MSH4: variants seen among roughly 807,000 people sequenced by gnomAD.
The protein encoded by MSH4 is mutS protein homolog 4.
In MSH4, 106 loss-of-function variants were observed where a neutral mutation model predicts 113.7. The ratio of observed to expected loss-of-function variants is 0.93; its 90% CI spans 0.80 to 1.10. MSH4 has a LOEUF of 1.10. Ranked by LOEUF, MSH4 falls within the 50% of genes least tolerant of loss-of-function variation. The probability of loss-of-function intolerance (pLI) is 0.00; values close to 1 mark genes in which losing one functional copy is unlikely to be tolerated. For missense variants in MSH4, 1,061 were observed against 1,093.7 expected (o/e 0.97, Z 0.42); for synonymous variants, 368 against 380.2 (o/e 0.97, Z 0.37).
At chr1:75,907,440 G>A (rs184479785) in intron 19 of MSH4, among the ~76,000 whole-genome samples, 1 of 151,726 alleles carries the variant, frequency 6.6e-6, no homozygotes, top group Admixed American at 6.6e-5. Flanking sequence ...GATTCTCTTT[G>A]TCCTTGACCT....
At chr1:75,883,025 G>T (rs561751922) in intron 14 of MSH4, among the ~76,000 whole-genome samples, 2 of 151,176 alleles carry the variant, frequency 1.3e-5, no homozygotes, top group East Asian at 1.9e-4. Flanking sequence ...TTTTTTTTGA[G>T]ACAGAGACTC....
In MSH4 at chr1:75,912,932, AATTT is replaced by A. The variant is rs754857347; in HGVS notation, c.*50_*53del. ...ATATATCTTAATTCAAGGAACCTAG[AATTT>A]ATTTTTCTCCTTAGAGATAAGGAAA... On this transcript the variant is annotated 3_prime_UTR_variant, in exon 20 of 20. Coordinates refer to ENST00000263187, the MANE Select transcript of MSH4 (RefSeq NM_002440.4). 1 of 1,238,308 alleles carries A rather than the reference AATTT, an allele frequency of 8.1e-7. No individual in the cohort carries two copies. The highest frequency in any genetic ancestry group is 1.1e-6 in the Non-Finnish European group (1 of 936,146). The allele number at this position is 1,238,308 out of a possible 1,614,324, so 76.7% of individuals were successfully genotyped here.
chr1:75,833,778 T>C (rs1163196526), intron 7 of MSH4, among the ~76,000 whole-genome samples: 3 of 152,164 alleles, frequency 2.0e-5, no homozygotes, highest in African/African-American at 7.2e-5. Flanking sequence ...TATACAAAAA[T>C]TAATTCAACA....
At chr1:75,879,252 T>TACCC in intron 12 of MSH4, 124 bp downstream of exon 12, 1 of 783,424 alleles carries the variant, frequency 1.3e-6, no homozygotes, top group Non-Finnish European at 2.1e-6. Context: ...CTCCTATTCC[T>TACCC]ACCCACCCAC....
intron 7 of MSH4, among the ~76,000 whole-genome samples, chr1:75,832,199 A>C (rs572392203): frequency 3.3e-5 from 5 of 152,300 alleles, no homozygotes; most frequent in African/African-American, 1.2e-4. Context: ...AAATGGATAA[A>C]TTCCCGGAGA....
At chr1:75,909,903 A>G (rs758936465) in intron 19 of MSH4, among the ~76,000 whole-genome samples, 1 of 151,688 alleles carries the variant, frequency 6.6e-6, no homozygotes, top group Non-Finnish European at 1.5e-5. Flanking sequence ...TCTCTCTTCC[A>G]TCTTATCTCA....
intron 7 of MSH4, among the ~76,000 whole-genome samples, chr1:75,847,911 A>G (rs1651108459): frequency 6.6e-6 from 1 of 152,172 alleles, no homozygotes; most frequent in Non-Finnish European, 1.5e-5. Flanking sequence ...TTATCTCCCA[A>G]CATCGCCACA....
chr1:75,812,422 G>A (rs749127137), intron 4 of MSH4, among the ~76,000 whole-genome samples: 3 of 151,970 alleles, frequency 2.0e-5, no homozygotes, highest in Non-Finnish European at 2.9e-5. Context: ...GACCAGGTGC[G>A]GTGGCTCATG....
At chr1:75,828,613 A>C (rs1006019798) in intron 7 of MSH4, among the ~76,000 whole-genome samples, 1 of 152,208 alleles carries the variant, frequency 6.6e-6, no homozygotes, top group Non-Finnish European at 1.5e-5. Context: ...CATTGGGTAC[A>C]CATGGGGATA....
At chr1:75,908,662 A>T (rs1429653278) in intron 19 of MSH4, among the ~76,000 whole-genome samples, 1 of 152,004 alleles carries the variant, frequency 6.6e-6, no homozygotes, top group Non-Finnish European at 1.5e-5. Flanking sequence ...TTGTGGATAT[A>T]TATCTATGTT....
chr1:75,866,858 G>A (rs1651573043), intron 8 of MSH4, among the ~76,000 whole-genome samples: 1 of 151,900 alleles, frequency 6.6e-6, no homozygotes, highest in African/African-American at 2.4e-5. Context: ...AGTACATTAT[G>A]TCATAATTGT....
Position 75,797,023 on chromosome 1 carries a change from C to T in MSH4, c.38C>T (p.Ala13Val), listed in dbSNP as rs775030571. ...GAGATCTCATCAACCTCGCCTTCTGCCCCGGCGGTTTCCCCGTCGTCGGGA... is the reference window on the plus strand; with the variant it reads ...GAGATCTCATCAACCTCGCCTTCTGTCCCGGCGGTTTCCCCGTCGTCGGGA... The part of the protein sequence containing the change: ...RPEISSTSPS[A>V]PAVSPSSGET... Residue 13 changes from alanine (A) to valine (V), a missense_variant, in exon 1 of 20, where the codon GCC (alanine) becomes GTC (valine). Coordinates refer to ENST00000263187, the MANE Select transcript of MSH4 (RefSeq NM_002440.4). 6.2e-6 allele frequency: 10 copies of T among 1,614,124 alleles called. No homozygotes were observed. The highest frequency in any genetic ancestry group is 1.3e-5 in the African/African-American group (1 of 75,060).
At chr1:75,892,611 A>G (rs575424855) in intron 17 of MSH4, among the ~76,000 whole-genome samples, 10 of 152,336 alleles carry the variant, frequency 6.6e-5, no homozygotes, top group Non-Finnish European at 1.2e-4. Context: ...TAATGAATAT[A>G]ATGAAATTGG....
At chr1:75,902,669 G>GTATGTATA in intron 19 of MSH4, among the ~76,000 whole-genome samples, 1 of 44,162 alleles carries the variant, frequency 2.3e-5, no homozygotes, top group Non-Finnish European at 4.2e-5. Context: ...TTATATATGT[G>GTATGTATA]TATGTATATA....
In MSH4 at chr1:75,912,674, ATTT is replaced by A. The variant is rs3037163; in HGVS notation, c.2620-12_2620-10del. 0.017 allele frequency: 11,464 copies of A among 682,774 alleles called. 542 individuals are homozygous for A. The highest frequency in any genetic ancestry group is 0.16 in the African/African-American group (7,173 of 44,900). The allele number at this position is 682,774 out of a possible 1,614,324, so 42.3% of individuals were successfully genotyped here. On this transcript the variant is annotated intron_variant, in intron 19 of 19. Transcript: ENST00000263187. ...ATGGTATTTGTGTATATATATATAT[ATTT>A]TTTTTTTTTCAATGACAGCAAAACC...
intron 9 of MSH4, among the ~76,000 whole-genome samples, chr1:75,872,912 T>C (rs1482698753): frequency 6.6e-6 from 1 of 152,218 alleles, no homozygotes; most frequent in African/African-American, 2.4e-5. Flanking sequence ...TTAAACATCA[T>C]TGTTTTGACA....
chr1:75,819,475 G>A (rs1289014591), intron 6 of MSH4, among the ~76,000 whole-genome samples: 1 of 152,188 alleles, frequency 6.6e-6, no homozygotes, highest in Non-Finnish European at 1.5e-5. Context: ...GCGCAACAGA[G>A]CAAGACTCTG....
At chr1:75,852,399 G>T (rs1651208620) in intron 8 of MSH4, among the ~76,000 whole-genome samples, 1 of 152,114 alleles carries the variant, frequency 6.6e-6, no homozygotes, top group Non-Finnish European at 1.5e-5. Flanking sequence ...ATATACCTAG[G>T]AATGGAATTG....
At chr1:75,844,996 A>G (rs909744139) in intron 7 of MSH4, among the ~76,000 whole-genome samples, 2 of 152,218 alleles carry the variant, frequency 1.3e-5, no homozygotes, top group African/African-American at 4.8e-5. Context: ...GAAGGGGAGC[A>G]AACTCATCCT....
Sources: gnomAD v4.1 joint callset for allele counts (sites outside exome capture counted in the v4.1 genomes callset) on GRCh38, gnomAD v4.1.1 for gene constraint, MANE v1.5 for transcripts, NCBI Gene and HGNC (gene_info 2026-07-23, HGNC 2026-07-21) for gene names.